PRKCB: variants seen among roughly 807,000 people sequenced by gnomAD.
PRKCB encodes protein kinase C beta.
Under a neutral mutation model 81.5 loss-of-function variants are expected in PRKCB, and 13 were observed. The ratio of observed to expected loss-of-function variants is 0.16; its 90% CI spans 0.10 to 0.25. PRKCB has a LOEUF of 0.25. Ranked by LOEUF, PRKCB falls within the 10% of genes least tolerant of loss-of-function variation. PRKCB has a pLI of 1.00. For synonymous variants in PRKCB, 335 were observed against 321.4 expected, an observed-to-expected ratio of 1.04 and a Z score of -0.45; for missense variants, 509 against 875.7, an observed-to-expected ratio of 0.58 and a Z score of 5.29.
intron 2 of PRKCB, among the ~76,000 whole-genome samples, chr16:23,860,129 C>T (rs1366666687): frequency 1.3e-5 from 2 of 151,920 alleles, no homozygotes; most frequent in Non-Finnish European, 2.9e-5. Context: ...TCCTTAGCTT[C>T]TTCATTTTGA....
intron 16 of PRKCB, among the ~76,000 whole-genome samples, chr16:24,199,955 GGT>G (rs1967933531): frequency 6.6e-6 from 1 of 152,078 alleles, no homozygotes; most frequent in Non-Finnish European, 1.5e-5. Context: ...ACCATCGAAT[GGT>G]GTCTGTTACA....
intron 4 of PRKCB, among the ~76,000 whole-genome samples, chr16:24,033,086 G>A (rs746823849): frequency 6.6e-6 from 1 of 152,174 alleles, no homozygotes; most frequent in African/African-American, 2.4e-5. Context: ...GGCCTGTGGG[G>A]CAGGGGAGCA....
At chr16:24,136,624 CT>C (rs1274742149) in intron 9 of PRKCB, among the ~76,000 whole-genome samples, 10 of 152,068 alleles carry the variant, frequency 6.6e-5, no homozygotes, top group Admixed American at 6.5e-4. Flanking sequence ...GTAGAATATC[CT>C]AGGAATCTAA....
chr16:24,003,963 T>G (rs575983613), intron 3 of PRKCB, among the ~76,000 whole-genome samples: 1 of 152,310 alleles, frequency 6.6e-6, no homozygotes, highest in Admixed American at 6.5e-5. Flanking sequence ...TGAGTCTAGA[T>G]GAACATATCC....
chr16:24,110,518 T>A (rs1966662819), intron 7 of PRKCB, among the ~76,000 whole-genome samples: 1 of 146,282 alleles, frequency 6.8e-6, no homozygotes, highest in Non-Finnish European at 1.5e-5. Context: ...ACCTTTTTTT[T>A]TTTTTTTTTT....
chr16:24,109,545 T>G (rs1199204943), intron 7 of PRKCB, among the ~76,000 whole-genome samples: 3 of 107,990 alleles, frequency 2.8e-5, no homozygotes, highest in Non-Finnish European at 5.3e-5. Flanking sequence ...TTCCTAGATG[T>G]GATGGCCGCC....
chr16:24,096,024 G>T (rs377760957), intron 7 of PRKCB, among the ~76,000 whole-genome samples: 1 of 152,124 alleles, frequency 6.6e-6, no homozygotes. Flanking sequence ...TAGGCCGGGC[G>T]CAGTGGCTCA....
chr16:24,020,986 TTC>T (rs1427018044), intron 3 of PRKCB, among the ~76,000 whole-genome samples: 2 of 121,620 alleles, frequency 1.6e-5, no homozygotes, highest in Non-Finnish European at 3.5e-5. Context: ...TTTTCTTTCT[TTC>T]TTTCTTTCTT....
chr16:24,136,096 G>GGTTTTTTTTT (rs1555498951), intron 9 of PRKCB, among the ~76,000 whole-genome samples: 1 of 118,082 alleles, frequency 8.5e-6, no homozygotes, highest in African/African-American at 3.8e-5. Flanking sequence ...ATTGCAGCGT[G>GGTTTTTTTTT]TTTTTTTTTT....
chr16:23,969,883 G>A (rs549166324), intron 2 of PRKCB, among the ~76,000 whole-genome samples: 1 of 152,272 alleles, frequency 6.6e-6, no homozygotes, highest in South Asian at 2.1e-4. Context: ...GTGTGTACGT[G>A]GGGAAGGGTG....
intron 16 of PRKCB, among the ~76,000 whole-genome samples, chr16:24,214,068 T>C (rs1166673811): frequency 6.6e-6 from 1 of 152,060 alleles, no homozygotes; most frequent in Non-Finnish European, 1.5e-5. Context: ...GCCCAGGCGT[T>C]GCAAGCATCA....
chr16:23,950,132 A>AGGTTTTTTTTT (rs55986931), intron 2 of PRKCB, among the ~76,000 whole-genome samples: 1 of 97,760 alleles, frequency 1.0e-5, no homozygotes, highest in Non-Finnish European at 2.0e-5. Context: ...TATGATTTGA[A>AGGTTTTTTTTT]TTTTTTTTTT....
intron 2 of PRKCB, among the ~76,000 whole-genome samples, chr16:23,966,731 G>A (rs1454346113): frequency 3.3e-5 from 5 of 152,130 alleles, no homozygotes; most frequent in African/African-American, 9.7e-5. Flanking sequence ...GAGAATGCAA[G>A]GCTGTCTGAA....
At chr16:23,851,815 A>G (rs1248935143) in intron 2 of PRKCB, among the ~76,000 whole-genome samples, 1 of 151,696 alleles carries the variant, frequency 6.6e-6, no homozygotes, top group Non-Finnish European at 1.5e-5. Context: ...GGATACATTT[A>G]CACCTAAGTA....
chr16:24,057,401 C>T (rs372981438), intron 5 of PRKCB, among the ~76,000 whole-genome samples: 4 of 152,208 alleles, frequency 2.6e-5, no homozygotes, highest in African/African-American at 7.2e-5. Context: ...TGATTCTAAA[C>T]GCAGGCTGTT....
chr16:23,962,655 C>A (rs1378631652), intron 2 of PRKCB, among the ~76,000 whole-genome samples: 1 of 152,226 alleles, frequency 6.6e-6, no homozygotes, highest in Non-Finnish European at 1.5e-5. Context: ...GGCAGGGGCA[C>A]ATCTGTGTAA....
chr16:24,181,693 A>G (rs909482732), intron 13 of PRKCB, among the ~76,000 whole-genome samples: 1 of 141,008 alleles, frequency 7.1e-6, no homozygotes, highest in Non-Finnish European at 1.5e-5. Flanking sequence ...CCTGAGCCCC[A>G]GGAGGTCCAG....
chr16:24,049,770 A>G (rs565138239), intron 5 of PRKCB, among the ~76,000 whole-genome samples: 1 of 152,376 alleles, frequency 6.6e-6, no homozygotes, highest in Non-Finnish European at 1.5e-5. Context: ...GGAAAACTCC[A>G]GAAACAAAGT....
chr16:24,014,557 A>G (rs1965251714), intron 3 of PRKCB, among the ~76,000 whole-genome samples: 1 of 152,172 alleles, frequency 6.6e-6, no homozygotes, highest in African/African-American at 2.4e-5. Flanking sequence ...CACAGATGTC[A>G]TTTTTATTCT....
Sources: gnomAD v4.1 joint callset for allele counts (sites outside exome capture counted in the v4.1 genomes callset) on GRCh38, gnomAD v4.1.1 for gene constraint, MANE v1.5 for transcripts, NCBI Gene and HGNC (gene_info 2026-07-23, HGNC 2026-07-21) for gene names.